Variants in MCCC1 observed in about 807,000 individuals in gnomAD.
MCCC1 encodes methylcrotonyl-CoA carboxylase subunit 1.
MCCC1 carries 64 observed loss-of-function variants against 83.8 expected under a neutral mutation model. The ratio of observed to expected loss-of-function variants is 0.76; its 90% CI spans 0.62 to 0.94. The LOEUF is 0.94. Among genes scored for constraint, MCCC1 ranks in the 40% least tolerant of loss-of-function variants. The pLI is 0.00. For synonymous variants in MCCC1, 322 were observed against 315.4 expected (o/e 1.02, Z -0.22); for missense variants, 807 against 904.7 (o/e 0.89, Z 1.39).
intron 4 of MCCC1, among the ~76,000 whole-genome samples, chr3:183,082,787 G>A (rs12498020): frequency 0.064 from 9,781 of 152,162 alleles, 481 homozygotes; most frequent in African/African-American, 0.11. Flanking sequence ...AGACCAGCCT[G>A]GGAAACACAG....
At chr3:183,022,625 A>T in intron 15 of MCCC1, 71 bp from the exon 16 acceptor site, 1 of 1,261,244 alleles carries the variant, frequency 7.9e-7, no homozygotes, top group Non-Finnish European at 1.1e-6. Flanking sequence ...ATCAGAATCA[A>T]TTCTTCACTA....
chr3:183,074,908 C>A (rs1436975403), intron 4 of MCCC1, among the ~76,000 whole-genome samples: 3 of 152,112 alleles, frequency 2.0e-5, no homozygotes, highest in Non-Finnish European at 4.4e-5. Flanking sequence ...CTTTTGTTTC[C>A]TTCTTTGTGT....
upstream of MCCC1, among the ~76,000 whole-genome samples, chr3:183,103,732 C>T (rs1457023370): frequency 6.6e-6 from 1 of 152,094 alleles, no homozygotes; most frequent in Non-Finnish European, 1.5e-5. Context: ...CTGCCAGTCC[C>T]GCGCCGTGCG....
intron 1 of MCCC1, among the ~76,000 whole-genome samples, chr3:183,095,960 T>TA (rs759111309): frequency 2.6e-5 from 4 of 152,180 alleles, no homozygotes; most frequent in Non-Finnish European, 4.4e-5. Flanking sequence ...GTGTATAAAA[T>TA]AAAGTAACCA....
rs1395530799 is a variant in MCCC1, at chr3:183,037,356, T to C, written c.1456A>G (p.Thr486Ala). The C allele has an allele frequency of 2.5e-6, 4 of 1,614,084 alleles. No individual in the cohort carries two copies. The highest frequency in any genetic ancestry group is 1.1e-5 in the South Asian group (1 of 91,072). ...TTGTGGTGTTGAGGGATGAAATCAG[T>C]GTGCACGTTCCCAGCTTCAAACTCT... ...HPEFEAGNVH[T>A]DFIPQHHKQL... Residue 486 changes from threonine (T) to alanine (A), a missense_variant, in exon 13 of 19, where the codon ACT (threonine) becomes GCT (alanine). Transcript: ENST00000265594.
intron 4 of MCCC1, among the ~76,000 whole-genome samples, chr3:183,084,046 T>G (rs981569103): frequency 1.3e-5 from 2 of 152,212 alleles, no homozygotes; most frequent in Admixed American, 1.3e-4. Context: ...CAAATTACAG[T>G]GGGTTTAGGG....
intron 1 of MCCC1, among the ~76,000 whole-genome samples, chr3:183,097,241 C>T (rs1344913205): frequency 5.3e-5 from 8 of 151,062 alleles, no homozygotes; most frequent in Admixed American, 1.3e-4. Context: ...AGCGAGACTC[C>T]GTCTCAAAAA....
At chr3:183,021,381 G>T (rs1404027324) in intron 16 of MCCC1, among the ~76,000 whole-genome samples, 1 of 152,088 alleles carries the variant, frequency 6.6e-6, no homozygotes, top group African/African-American at 2.4e-5. Flanking sequence ...ACACCACCAT[G>T]CCTGGCTAAT....
intron 4 of MCCC1, among the ~76,000 whole-genome samples, chr3:183,074,328 A>G (rs1716906975): frequency 1.3e-5 from 2 of 152,228 alleles, no homozygotes; most frequent in African/African-American, 4.8e-5. Flanking sequence ...AAGATTTCTA[A>G]AAGTAAACAC....
intron 1 of MCCC1, among the ~76,000 whole-genome samples, chr3:183,096,117 C>A (rs1042316358): frequency 6.6e-5 from 10 of 152,098 alleles, no homozygotes; most frequent in Non-Finnish European, 1.3e-4. Context: ...GGGGGGATTA[C>A]CTGAGGTCAG....
chr3:183,115,091 C>T (rs903080177), intron 1 of MCCC1, among the ~76,000 whole-genome samples: 2 of 152,134 alleles, frequency 1.3e-5, no homozygotes, highest in East Asian at 1.9e-4. Flanking sequence ...AAGAGCCACA[C>T]CAACGTGCCC....
rs142513139 is a variant in MCCC1 at position 183,045,512 on chromosome 3, T to G, written c.984A>C (p.Lys328Asn). 17 of 1,613,990 alleles carry G rather than the reference T, an allele frequency of 1.1e-5. No individual in the cohort carries two copies. In the African/African-American group the frequency reaches 2.1e-4, roughly 20 times the overall value. ...TCATCTCCATGAAACAGAAATTATGTTTTGAGTCCATAATAAACTCCACAG... is the reference window on the plus strand; with the variant it reads ...TCATCTCCATGAAACAGAAATTATGGTTTGAGTCCATAATAAACTCCACAG... ...AGTVEFIMDSKHNFCFMEMNT... is the reference protein window; with the variant it reads ...AGTVEFIMDSNHNFCFMEMNT... The change falls in exon 10 of 19, where the codon AAA becomes AAC. Residue 328 changes from lysine to asparagine, a missense_variant. By Grantham distance (94) the Lys-to-Asn change is moderately conservative. Transcript: ENST00000265594.
In MCCC1 at chr3:183,022,566, G is replaced by T; in HGVS notation, c.1732-12C>A. 6.3e-7 allele frequency: 1 copy of T among 1,596,908 alleles called. No individual in the cohort carries two copies. Among genetic ancestry groups the T allele is most frequent in the Non-Finnish European group, 8.6e-7 (1 of 1,166,144 alleles). ...GTTTTATCTTCAATCTGAAAAAAAT[G>T]AAAAATAAGATTTTTAAAATAAATG... is the stretch of plus-strand genomic sequence containing the variant. On this transcript the variant is annotated splice_polypyrimidine_tract_variant and intron_variant, in intron 15 of 18. Coordinates refer to ENST00000265594, the MANE Select transcript of MCCC1 (RefSeq NM_020166.5).
chr3:183,034,761 C>T lies in MCCC1; in HGVS notation c.1595-684G>A, dbSNP rs868198798. Among the ~76,000 whole-genome samples, 72 of 149,820 alleles carry T rather than the reference C, an allele frequency of 4.8e-4. 2 individuals are homozygous for T. The Middle Eastern group carries it at 0.021, about 43-fold the overall frequency. ...CTCTTTTATGTTTTTATGTTGTTGG[C>T]CCAGCCCTTATAGGCCTTTTTTTTT... On this transcript the variant is annotated intron_variant, in intron 13 of 18. Transcript: ENST00000265594.
At chr3:183,025,391 A>T (rs1257368989) in intron 15 of MCCC1, among the ~76,000 whole-genome samples, 1 of 152,258 alleles carries the variant, frequency 6.6e-6, no homozygotes, top group South Asian at 2.1e-4. Context: ...AACACAAACC[A>T]AAGTGCTCTG....
intron 1 of MCCC1, among the ~76,000 whole-genome samples, chr3:183,114,544 AG>A (rs1719557404): frequency 6.6e-6 from 1 of 152,096 alleles, no homozygotes; most frequent in Admixed American, 6.5e-5. Context: ...TCGGTATTTG[AG>A]GGTGGGGAGA....
intron 18 of MCCC1, 197 bp downstream of exon 18, chr3:183,017,069 A>C: frequency 1.7e-6 from 1 of 598,114 alleles, no homozygotes. Flanking sequence ...CAGAAATGAC[A>C]GGTGCAATTT....
chr3:183,022,295 GA>G, intron 16 of MCCC1, 121 bp downstream of exon 16: 37 of 1,203,796 alleles, frequency 3.1e-5, no homozygotes, highest in South Asian at 3.9e-5. Flanking sequence ...GAAACTGAGG[GA>G]AAAAGGTCAC....
intron 8 of MCCC1, among the ~76,000 whole-genome samples, chr3:183,055,194 G>C (rs1715316942): frequency 6.6e-6 from 1 of 151,282 alleles, no homozygotes; most frequent in African/African-American, 2.4e-5. Flanking sequence ...ACGAGGTCAG[G>C]AGTTCAATAT....
Sources: gnomAD v4.1 joint callset for allele counts (sites outside exome capture counted in the v4.1 genomes callset) on GRCh38, gnomAD v4.1.1 for gene constraint, MANE v1.5 for transcripts, NCBI Gene and HGNC (gene_info 2026-07-23, HGNC 2026-07-21) for gene names.